Variants in PDHX observed in about 807,000 individuals in gnomAD.
PDHX encodes pyruvate dehydrogenase protein X component, mitochondrial.
PDHX carries 33 observed loss-of-function variants against 55.3 expected under a neutral mutation model. The ratio of observed to expected loss-of-function variants is 0.60; its 90% CI spans 0.45 to 0.80. The LOEUF (loss-of-function observed/expected upper bound fraction) is 0.80, where lower values mean the gene tolerates loss of function less well. Ranked by LOEUF, PDHX falls within the 30% of genes least tolerant of loss-of-function variation. PDHX has a pLI of 0.00. For missense variants in PDHX, 622 were observed against 619.9 expected (o/e 1.00, Z -0.04); for synonymous variants, 226 against 219.4 (o/e 1.03, Z -0.27).
chr11:34,986,630 G>A (rs1053429480), intron 9 of PDHX, among the ~76,000 whole-genome samples: 10 of 152,220 alleles, frequency 6.6e-5, no homozygotes, highest in Admixed American at 2.0e-4. Context: ...CAAATTTACT[G>A]CTATAATACA....
chr11:34,966,858 C>CTTT, intron 6 of PDHX, 44 bp downstream of exon 6: 3 of 1,264,838 alleles, frequency 2.4e-6, no homozygotes, highest in South Asian at 1.4e-5. Context: ...TCTTGTTTTT[C>CTTT]TTTTTTTTTT....
intron 6 of PDHX, 80 bp downstream of exon 6, chr11:34,966,894 C>G: frequency 1.6e-6 from 2 of 1,264,282 alleles, no homozygotes; most frequent in Non-Finnish European, 2.3e-6. Flanking sequence ...CACTGTCACC[C>G]AGGCTGGAGT....
chr11:34,971,133 C>T (rs1855249369), intron 7 of PDHX, among the ~76,000 whole-genome samples: 1 of 151,954 alleles, frequency 6.6e-6, no homozygotes. Flanking sequence ...CTTCTTTATA[C>T]AAATTTTGAT....
intron 2 of PDHX, among the ~76,000 whole-genome samples, chr11:34,933,131 T>C (rs1418908671): frequency 6.6e-6 from 1 of 152,218 alleles, no homozygotes; most frequent in Admixed American, 6.5e-5. Flanking sequence ...CTTCTGAATA[T>C]ATCTTGTTTT....
At chr11:34,956,414 C>T (rs769846154) in intron 3 of PDHX, among the ~76,000 whole-genome samples, 5 of 152,076 alleles carry the variant, frequency 3.3e-5, no homozygotes, top group Admixed American at 6.5e-5. Context: ...TATTAGTGGA[C>T]GTCCTGCAGC....
At chr11:34,951,286 C>G (rs991995505) in intron 3 of PDHX, among the ~76,000 whole-genome samples, 2 of 151,842 alleles carry the variant, frequency 1.3e-5, no homozygotes, top group Non-Finnish European at 1.5e-5. Flanking sequence ...GTCTCGATCT[C>G]CTGACCTCAT....
intron 10 of PDHX, among the ~76,000 whole-genome samples, chr11:34,993,612 T>C (rs1053229753): frequency 1.3e-5 from 2 of 152,110 alleles, no homozygotes; most frequent in Non-Finnish European, 2.9e-5. Context: ...TCTGTGCTAT[T>C]TTTTTTCCAC....
At chr11:34,931,811 ATTGTGTGTGTGT>A (rs869279983) in intron 2 of PDHX, among the ~76,000 whole-genome samples, 1 of 110,162 alleles carries the variant, frequency 9.1e-6, no homozygotes, top group Admixed American at 1.0e-4. Context: ...CTTTATCATG[ATTGTGTGTGTGT>A]GTGTGTGTGT....
At chr11:34,958,720 GCTTT>G (rs1295386699) in intron 4 of PDHX, among the ~76,000 whole-genome samples, 3 of 152,122 alleles carry the variant, frequency 2.0e-5, no homozygotes, top group Admixed American at 6.5e-5. Context: ...TCTCACTGAT[GCTTT>G]CTAACTAATG....
chr11:34,916,018 G>T, upstream of PDHX: 1 of 628,204 alleles, frequency 1.6e-6, no homozygotes, highest in Non-Finnish European at 2.7e-6. Flanking sequence ...CCATCGGAGC[G>T]CCCCGCCCGA....
chr11:34,934,657 A>G (rs1854264172), intron 2 of PDHX, among the ~76,000 whole-genome samples: 2 of 140,198 alleles, frequency 1.4e-5, no homozygotes, highest in African/African-American at 5.4e-5. Flanking sequence ...TGCTCACTAC[A>G]GCCTCAGCCT....
At chr11:34,939,451 C>T (rs1854418037) in intron 2 of PDHX, among the ~76,000 whole-genome samples, 1 of 149,114 alleles carries the variant, frequency 6.7e-6, no homozygotes, top group Non-Finnish European at 1.5e-5. Flanking sequence ...GACTGATTCA[C>T]AGCTTCTTTT....
chr11:34,939,797 T>C (rs1186626673), intron 2 of PDHX, among the ~76,000 whole-genome samples: 2 of 152,202 alleles, frequency 1.3e-5, no homozygotes, highest in Non-Finnish European at 2.9e-5. Flanking sequence ...TAATGACTAT[T>C]AGAGTACTTC....
chr11:34,936,727 A>G (rs1478457248), intron 2 of PDHX, among the ~76,000 whole-genome samples: 2 of 151,784 alleles, frequency 1.3e-5, no homozygotes, highest in African/African-American at 4.8e-5. Context: ...CTTATCCTAA[A>G]GCCAAAATAG....
intron 10 of PDHX, among the ~76,000 whole-genome samples, chr11:34,994,648 G>A (rs890409798): frequency 6.6e-6 from 1 of 152,108 alleles, no homozygotes; most frequent in Admixed American, 6.6e-5. Context: ...GACATGACTC[G>A]ATATAAAATG....
intron 2 of PDHX, among the ~76,000 whole-genome samples, chr11:34,942,088 C>T (rs1330678945): frequency 6.6e-6 from 1 of 152,252 alleles, no homozygotes; most frequent in Non-Finnish European, 1.5e-5. Context: ...TTCCACTCTT[C>T]TCCACTTTAA....
At chr11:34,947,637 G>A (rs943552958) in intron 3 of PDHX, 31 bp downstream of exon 3, 9 of 1,413,362 alleles carry the variant, frequency 6.4e-6, no homozygotes, top group Middle Eastern at 1.7e-4. Flanking sequence ...TCTTCAACAG[G>A]ATGAAGATTT....
chr11:34,951,049 C>CTTTTTTTTTTTTTTT, intron 3 of PDHX, among the ~76,000 whole-genome samples: 1 of 88,600 alleles, frequency 1.1e-5, no homozygotes, highest in Non-Finnish European at 2.1e-5. Flanking sequence ...TGTTTCCTGA[C>CTTTTTTTTTTTTTTT]TTTTTTTTTT....
chr11:34,979,926 T>A (rs115307091), intron 8 of PDHX, among the ~76,000 whole-genome samples: 7,349 of 151,784 alleles, frequency 0.048, 560 homozygotes, highest in African/African-American at 0.17. Flanking sequence ...ATATTATAAA[T>A]TTTTTTATAT....
Sources: allele counts gnomAD v4.1 joint callset (sites outside exome capture counted in the v4.1 genomes callset), GRCh38; gene constraint gnomAD v4.1.1; transcripts MANE v1.5; gene names NCBI Gene and HGNC (gene_info 2026-07-23, HGNC 2026-07-21).